ATP2A2: variants seen among roughly 807,000 people sequenced by gnomAD.
The protein encoded by ATP2A2 is ATPase sarcoplasmic/endoplasmic reticulum Ca2+ transporting 2.
Under a neutral mutation model 109.3 loss-of-function variants are expected in ATP2A2, and 14 were observed. The observed-to-expected ratio is 0.13, with a 90% CI of 0.08 to 0.20. The LOEUF is 0.20. Ranked by LOEUF, ATP2A2 falls within the 10% of genes least tolerant of loss-of-function variation. The pLI is 1.00. For missense variants in ATP2A2, 657 were observed against 1,321.6 expected, an observed-to-expected ratio of 0.50 and a Z score of 7.80; for synonymous variants, 506 against 490.9, an observed-to-expected ratio of 1.03 and a Z score of -0.41.
At chr12:110,302,263 C>A (rs1874737567) in intron 5 of ATP2A2, among the ~76,000 whole-genome samples, 1 of 152,180 alleles carries the variant, frequency 6.6e-6, no homozygotes, top group Non-Finnish European at 1.5e-5. Context: ...ACACCTTAAA[C>A]ACTGACTTCC....
At chr12:110,332,301 G>T in intron 8 of ATP2A2, 1 of 411,688 alleles carries the variant, frequency 2.4e-6, no homozygotes. Flanking sequence ...ATTTTGTGTG[G>T]GTTGTTGTGT....
rs372888486 is a variant in ATP2A2 at position 110,343,262 on chromosome 12, C to T, written c.2349C>T (p.Pro783=). ...CIFLTAALGF[P]EALIPVQLLW... ...TCCTGACAGCAGCCCTTGGATTTCC[C>T]GAGGCTTTGATTCCTGTTCAGCTGC... Residue 783 remains proline (P), a synonymous_variant, in exon 16 of 20, where the codon CCC becomes CCT. Coordinates refer to ENST00000539276, the MANE Select transcript of ATP2A2 (RefSeq NM_170665.4). The T allele has an allele frequency of 6.1e-5, 99 of 1,613,918 alleles. 1 individual carries two copies. The highest frequency in any genetic ancestry group is 7.5e-5 in the Non-Finnish European group (89 of 1,180,014).
At chr12:110,300,103 C>T (rs1874411886) in intron 5 of ATP2A2, among the ~76,000 whole-genome samples, 2 of 148,422 alleles carry the variant, frequency 1.3e-5, no homozygotes. Context: ...TCCTTCCTTC[C>T]TTCCTCCCCC....
rs1876363807 is a variant in ATP2A2 at position 110,313,780 on chromosome 12, G to C, written c.464-9212G>C. ...GGCTGGAGAGCAGTGGTGCAATCTT[G>C]GACCACTGGAACCTCTGCCTCCTGG... On this transcript the variant is annotated intron_variant, in intron 5 of 19. Coordinates refer to ENST00000539276, the MANE Select transcript of ATP2A2 (RefSeq NM_170665.4). Among the ~76,000 whole-genome samples, 2 of 141,258 alleles carry C rather than the reference G, an allele frequency of 1.4e-5. 1 individual carries two copies. Among genetic ancestry groups the C allele is most frequent in the South Asian group, 4.5e-4 (2 of 4,406 alleles). The allele number at this position is 141,258 out of a possible 152,430, so 92.7% of individuals were successfully genotyped here.
intron 5 of ATP2A2, among the ~76,000 whole-genome samples, chr12:110,322,756 T>TA (rs1877374301): frequency 6.6e-6 from 1 of 152,210 alleles, no homozygotes; most frequent in Non-Finnish European, 1.5e-5. Flanking sequence ...ATAATGTAGT[T>TA]AGGTTTCCTT....
chr12:110,338,712 C>G (rs1879078016), intron 11 of ATP2A2, among the ~76,000 whole-genome samples: 1 of 152,182 alleles, frequency 6.6e-6, no homozygotes, highest in African/African-American at 2.4e-5. Context: ...CCACCTTCAG[C>G]CAATTCTTGA....
At chr12:110,284,330 G>A (rs528188547) in intron 3 of ATP2A2, among the ~76,000 whole-genome samples, 72 of 152,294 alleles carry the variant, frequency 4.7e-4, no homozygotes, top group African/African-American at 1.6e-3. Context: ...ACATAATAGC[G>A]TTGGCAGTTA....
chr12:110,331,414 C>T (rs1237648987), intron 8 of ATP2A2: 1 of 152,132 alleles, frequency 6.6e-6, no homozygotes, highest in Non-Finnish European at 1.5e-5. Flanking sequence ...AATCTCAGCC[C>T]ACTGCAACCT....
intron 6 of ATP2A2, among the ~76,000 whole-genome samples, chr12:110,324,829 T>C (rs1439247806): frequency 1.5e-5 from 2 of 130,486 alleles, no homozygotes; most frequent in South Asian, 4.7e-4. Flanking sequence ...AATGAAAATC[T>C]TTTTTTTTTT....
In ATP2A2 at chr12:110,348,517, G is replaced by A; in HGVS notation, c.*2047G>A. On this transcript the variant is annotated 3_prime_UTR_variant, in exon 20 of 20. Coordinates refer to ENST00000539276, the MANE Select transcript of ATP2A2 (RefSeq NM_170665.4). ...ATCAAGCAGGACAAGGTGCTGCTGA[G>A]TTCAGAGGGCCCACGTTCAAGGGAT... 2.0e-6 allele frequency: 2 copies of A among 985,592 alleles called. No homozygotes were observed. Among genetic ancestry groups the A allele is most frequent in the Non-Finnish European group, 2.4e-6 (2 of 830,050 alleles). 61.1% of individuals were successfully genotyped at this position (985,592 alleles called of 1,614,324 possible).
intron 5 of ATP2A2, among the ~76,000 whole-genome samples, chr12:110,303,535 C>T (rs767686730): frequency 2.0e-5 from 3 of 152,232 alleles, no homozygotes; most frequent in East Asian, 3.9e-4. Flanking sequence ...CTCAGCCTCC[C>T]GAGTAGCTGA....
rs563235999 is a variant in ATP2A2, at chr12:110,302,698, A to G, written c.463+5961A>G. On this transcript the variant is annotated intron_variant, in intron 5 of 19. Coordinates refer to ENST00000539276, the MANE Select transcript of ATP2A2 (RefSeq NM_170665.4). ...CACTGCAACCTCTGCCTGCCTGTTC[A>G]AGTGATTCTTGTGCCTCAGCCTCCC... Among the ~76,000 whole-genome samples the G allele has an allele frequency of 2.0e-5, 3 of 152,038 alleles. No homozygotes were observed. The South Asian group carries it at 6.2e-4, about 32-fold the overall frequency.
In ATP2A2 at chr12:110,340,818, T is replaced by G; in HGVS notation, c.1921T>G (p.Phe641Val). Residue 641 changes from phenylalanine (F) to valine (V), a missense_variant, in exon 14 of 20, where the codon TTC (phenylalanine) becomes GTC (valine). Coordinates refer to ENST00000539276, the MANE Select transcript of ATP2A2 (RefSeq NM_170665.4). The surrounding 1 kb of genome is among the most constrained non-coding windows in gnomAD (Gnocchi z 6.0). ...AVAICRRIGI[F>V]GQDEDVTSKA... ...GGCCATCTGTCGCCGCATCGGCATC[T>G]TCGGGCAGGATGAGGACGTGACGTC... is the stretch of plus-strand genomic sequence containing the variant. 1 of 1,614,224 alleles carries G rather than the reference T, an allele frequency of 6.2e-7. No homozygotes were observed. Among genetic ancestry groups the G allele is most frequent in the African/African-American group, 1.3e-5 (1 of 75,060 alleles).
At chr12:110,290,712 C>T (rs568774446) in intron 3 of ATP2A2, among the ~76,000 whole-genome samples, 25 of 151,956 alleles carry the variant, frequency 1.6e-4, no homozygotes, top group African/African-American at 5.8e-4. Context: ...TCAAGCGATT[C>T]TCCTGCCTCA....
intron 5 of ATP2A2, among the ~76,000 whole-genome samples, chr12:110,305,746 T>A (rs947646043): frequency 1.3e-5 from 2 of 152,176 alleles, no homozygotes; most frequent in Non-Finnish European, 2.9e-5. Context: ...TTTTTAAGAG[T>A]TGCTTGTCAA....
chr12:110,306,401 G>A (rs1875336096), intron 5 of ATP2A2, among the ~76,000 whole-genome samples: 1 of 152,080 alleles, frequency 6.6e-6, no homozygotes, highest in African/African-American at 2.4e-5. Flanking sequence ...TTTGTTATGT[G>A]GATTTAATGT....
At chr12:110,286,793 G>T (rs1260694145) in intron 3 of ATP2A2, among the ~76,000 whole-genome samples, 1 of 151,222 alleles carries the variant, frequency 6.6e-6, no homozygotes, top group African/African-American at 2.4e-5. Context: ...AGAATACTAG[G>T]AGCAAAATGT....
chr12:110,306,921 A>G (rs1875402592), intron 5 of ATP2A2, among the ~76,000 whole-genome samples: 1 of 151,470 alleles, frequency 6.6e-6, no homozygotes, highest in South Asian at 2.1e-4. Context: ...ACCACGCCCA[A>G]CTAATTTTTG....
chr12:110,300,146 CCTT>C (rs1459200535), intron 5 of ATP2A2, among the ~76,000 whole-genome samples: 4 of 134,746 alleles, frequency 3.0e-5, no homozygotes, highest in African/African-American at 1.1e-4. Context: ...CCCCTCCCCT[CCTT>C]CTGTCCTCCC....
Sources: allele counts gnomAD v4.1 joint callset (sites outside exome capture counted in the v4.1 genomes callset), GRCh38; gene constraint gnomAD v4.1.1; non-coding constraint Gnocchi (gnomAD v3.1); transcripts MANE v1.5; gene names NCBI Gene and HGNC (gene_info 2026-07-23, HGNC 2026-07-21).